Variants in SGCD observed in about 807,000 individuals in gnomAD.
SGCD encodes delta-sarcoglycan.
A neutral mutation model predicts 36.6 loss-of-function variants in SGCD; 18 were observed. That is an observed-to-expected ratio of 0.49 (90% CI 0.34 to 0.73). SGCD has a LOEUF of 0.73. SGCD is among the 30% of genes least tolerant of loss of function. SGCD has a pLI of 0.01. For missense variants in SGCD, 387 were observed against 346.7 expected, an observed-to-expected ratio of 1.12 and a Z score of -0.92; for synonymous variants, 133 against 130.6, an observed-to-expected ratio of 1.02 and a Z score of -0.12.
chr5:156,001,989 G>T (rs1477469853), intron 1 of SGCD, among the ~76,000 whole-genome samples: 2 of 152,208 alleles, frequency 1.3e-5, no homozygotes, highest in African/African-American at 4.8e-5. Flanking sequence ...AGAGATGAAA[G>T]AAGATTGTCT....
chr5:156,572,913 CT>C (rs1370022563), intron 4 of SGCD, among the ~76,000 whole-genome samples: 1 of 152,132 alleles, frequency 6.6e-6, no homozygotes, highest in East Asian at 1.9e-4. Context: ...CTCCTCTTGT[CT>C]CTCTTTTGAC....
chr5:156,473,265 C>T (rs564234233), intron 3 of SGCD, among the ~76,000 whole-genome samples: 1 of 152,308 alleles, frequency 6.6e-6, no homozygotes, highest in Non-Finnish European at 1.5e-5. Flanking sequence ...ACAGATAGTA[C>T]TGAACCCTAT....
chr5:156,300,245 G>A (rs1767017512), intron 3 of SGCD, among the ~76,000 whole-genome samples: 1 of 151,642 alleles, frequency 6.6e-6, no homozygotes, highest in African/African-American at 2.4e-5. Flanking sequence ...ATTTATTTTT[G>A]TAGGCACTTA....
chr5:156,455,065 C>T (rs1223414711), intron 3 of SGCD, among the ~76,000 whole-genome samples: 1 of 152,154 alleles, frequency 6.6e-6, no homozygotes, highest in Non-Finnish European at 1.5e-5. Context: ...AAGCACAGCA[C>T]ATATTGAATG....
chr5:156,035,427 G>A (rs571919501), intron 1 of SGCD, among the ~76,000 whole-genome samples: 7 of 152,090 alleles, frequency 4.6e-5, no homozygotes, highest in South Asian at 4.2e-4. Context: ...GCAACGTAGC[G>A]AAACCCTGTC....
At chr5:156,129,073 T>C (rs996882358) in intron 3 of SGCD, among the ~76,000 whole-genome samples, 4 of 152,176 alleles carry the variant, frequency 2.6e-5, no homozygotes, top group African/African-American at 9.7e-5. Context: ...CTGGGAAATG[T>C]TCATGAGGGA....
At chr5:156,621,333 A>G (rs1459622065) in intron 6 of SGCD, among the ~76,000 whole-genome samples, 9 of 152,170 alleles carry the variant, frequency 5.9e-5, no homozygotes, top group Admixed American at 1.3e-4. Flanking sequence ...CTGGGATTAC[A>G]GGTGTGCTAC....
intron 6 of SGCD, among the ~76,000 whole-genome samples, chr5:156,610,706 G>T (rs1238614169): frequency 6.6e-6 from 1 of 152,232 alleles, no homozygotes; most frequent in Non-Finnish European, 1.5e-5. Context: ...CAAGCTTCCT[G>T]GCCACTTTGG....
intron 3 of SGCD, among the ~76,000 whole-genome samples, chr5:156,275,017 T>C (rs1003264709): frequency 6.6e-6 from 1 of 152,206 alleles, no homozygotes; most frequent in African/African-American, 2.4e-5. Context: ...CTCCAGACTT[T>C]CTAATTCTTT....
intron 7 of SGCD, among the ~76,000 whole-genome samples, chr5:156,686,100 T>C (rs1224111799): frequency 6.6e-6 from 1 of 152,248 alleles, no homozygotes. Flanking sequence ...AGCTACTATG[T>C]ATTGAACAAT....
At chr5:156,686,977 G>C (rs1326566400) in intron 7 of SGCD, among the ~76,000 whole-genome samples, 1 of 152,162 alleles carries the variant, frequency 6.6e-6, no homozygotes, top group Non-Finnish European at 1.5e-5. Context: ...GATATCCAAT[G>C]CTCCAAGCAG....
At chr5:156,680,137 T>G (rs1486923433) in intron 7 of SGCD, among the ~76,000 whole-genome samples, 1 of 152,172 alleles carries the variant, frequency 6.6e-6, no homozygotes, top group Non-Finnish European at 1.5e-5. Context: ...GAGTTGAAGA[T>G]GCAAATGGCC....
At chr5:155,782,398 A>G in the SGCD span, among the ~76,000 whole-genome samples, 1 of 152,220 alleles carries the variant, frequency 6.6e-6, no homozygotes, top group Admixed American at 6.5e-5. Flanking sequence ...GGCTGCTACA[A>G]AAAATTTGAA....
intron 4 of SGCD, among the ~76,000 whole-genome samples, chr5:156,539,410 C>T (rs1208857508): frequency 1.3e-5 from 2 of 151,674 alleles, no homozygotes; most frequent in African/African-American, 4.8e-5. Context: ...CCCTCACCCC[C>T]TTCCATCCTT....
At chr5:156,344,756 A>T in intron 3 of SGCD, 79 bp downstream of exon 3, 1 of 1,145,546 alleles carries the variant, frequency 8.7e-7, no homozygotes. Context: ...GAATGTGGAA[A>T]AGTGATATTA....
the SGCD span, among the ~76,000 whole-genome samples, chr5:155,844,640 C>T: frequency 1.3e-5 from 2 of 152,116 alleles, no homozygotes; most frequent in Non-Finnish European, 2.9e-5. Context: ...AATTGCTTTC[C>T]ACTAAAACTT....
At chr5:156,380,894 G>A (rs753148700) in intron 3 of SGCD, among the ~76,000 whole-genome samples, 3 of 152,184 alleles carry the variant, frequency 2.0e-5, no homozygotes, top group Non-Finnish European at 4.4e-5. Context: ...CTCGTAAGTC[G>A]AGTAGAAGAT....
chr5:156,455,144 T>C (rs950519626), intron 3 of SGCD, among the ~76,000 whole-genome samples: 13 of 152,212 alleles, frequency 8.5e-5, no homozygotes, highest in African/African-American at 2.9e-4. Flanking sequence ...GGTTGAATTA[T>C]GTCCTGCATA....
intron 3 of SGCD, among the ~76,000 whole-genome samples, chr5:156,434,340 C>T (rs1157705416): frequency 2.0e-5 from 3 of 152,088 alleles, no homozygotes; most frequent in African/African-American, 4.8e-5. Context: ...AGGGATGGCT[C>T]CCCGCACAAG....
Sources: gnomAD v4.1 joint callset for allele counts (sites outside exome capture counted in the v4.1 genomes callset) on GRCh38, gnomAD v4.1.1 for gene constraint, MANE v1.5 for transcripts, NCBI Gene and HGNC (gene_info 2026-07-23, HGNC 2026-07-21) for gene names.